The following ESPN variants were observed in gnomAD, a reference collection of about 807,000 sequenced individuals.
The protein encoded by ESPN is espin.
ESPN carries 68 observed loss-of-function variants against 77.7 expected under a neutral mutation model. The observed-to-expected ratio is 0.87, with a 90% CI of 0.72 to 1.07. ESPN has a LOEUF of 1.07. ESPN is among the 50% of genes least tolerant of loss of function. The probability of loss-of-function intolerance (pLI) is 0.00; values close to 1 mark genes in which losing one functional copy is unlikely to be tolerated. For missense variants in ESPN, 1,060 were observed against 1,239.0 expected, an observed-to-expected ratio of 0.86 and a Z score of 2.17; for synonymous variants, 449 against 567.1, an observed-to-expected ratio of 0.79 and a Z score of 2.96.
At chr1:6,445,994 A>G (rs1430793132) in intron 7 of ESPN, 59 bp downstream of exon 7, 4 of 1,574,896 alleles carry the variant, frequency 2.5e-6, no homozygotes, top group Non-Finnish European at 3.5e-6. Context: ...GATGGGGGCC[A>G]GTGAGGCCAA....
rs1569702803 is a variant in ESPN at position 6,447,698 on chromosome 1, T to C, written c.1465-943T>C. On this transcript the variant is annotated intron_variant, in intron 7 of 12. Transcript: ENST00000645284. The surrounding 1 kb of genome is among the most constrained non-coding windows in gnomAD (Gnocchi z 5.2). ...CGGGTGTCGGTGTCGCTTTCGTGGA[T>C]GGCGATGGTTTCCAGATGCAGGAGG... Among the ~76,000 whole-genome samples, 1 of 152,026 alleles carries C rather than the reference T, an allele frequency of 6.6e-6. No homozygotes were observed. The highest frequency in any genetic ancestry group is 6.5e-5 in the Admixed American group (1 of 15,272).
intron 1 of ESPN, among the ~76,000 whole-genome samples, chr1:6,426,993 C>T (rs1424415643): frequency 6.6e-6 from 1 of 152,048 alleles, no homozygotes; most frequent in African/African-American, 2.4e-5. Context: ...GAAGACCCTA[C>T]TAGTGGCCCC....
chr1:6,445,766 C>CTGGCT lies in ESPN; in HGVS notation c.1295_1296insTGGCT (p.Pro433GlyfsTer32). 1 of 1,484,458 alleles carries CTGGCT rather than the reference C, an allele frequency of 6.7e-7. No homozygotes were observed. The highest frequency in any genetic ancestry group is 9.1e-7 in the Non-Finnish European group (1 of 1,094,728). 92.0% of individuals were successfully genotyped at this position (1,484,458 alleles called of 1,614,324 possible). On this transcript the variant is annotated frameshift_variant, in exon 7 of 13. Coordinates refer to ENST00000645284, the MANE Select transcript of ESPN (RefSeq NM_031475.3). LOFTEE classifies it high-confidence loss of function. ...ACGATTGGGAAGCCCACACCCCCAC[C>CTGGCT]ACCCCCACCCAGCTTCCCCCCGCCA... is the stretch of plus-strand genomic sequence containing the variant.
chr1:6,435,084 C>G (rs1236762576), intron 2 of ESPN, among the ~76,000 whole-genome samples: 4 of 152,076 alleles, frequency 2.6e-5, no homozygotes, highest in Non-Finnish European at 5.9e-5. Context: ...GAACCTTTCT[C>G]AAATCAGGGC....
At chr1:6,455,209 T>G (rs1644029551) in intron 10 of ESPN, 1 of 389,134 alleles carries the variant, frequency 2.6e-6, no homozygotes, top group Admixed American at 4.5e-5. Context: ...CCCGAGCAGC[T>G]GGCGCGCCGG....
intron 2 of ESPN, among the ~76,000 whole-genome samples, chr1:6,436,951 G>A (rs541043301): frequency 5.9e-5 from 9 of 152,032 alleles, no homozygotes; most frequent in Non-Finnish European, 1.2e-4. Flanking sequence ...TCTGCCCCAT[G>A]TTCTGGGGTA....
chr1:6,431,667 G>C (rs902975668), intron 2 of ESPN, among the ~76,000 whole-genome samples: 121 of 138,722 alleles, frequency 8.7e-4, no homozygotes, highest in Non-Finnish European at 1.3e-3. Flanking sequence ...ACGAACGAAA[G>C]AAAGGAAGAA....
rs116350692 is a variant in ESPN at position 6,457,313 on chromosome 1, G to A, written c.2406-48G>A. 321 of 1,614,186 alleles carry A rather than the reference G, an allele frequency of 2.0e-4. 1 individual carries two copies. In the African/African-American group the frequency reaches 3.7e-3, roughly 18 times the overall value. On this transcript the variant is annotated intron_variant, in intron 11 of 12. Transcript: ENST00000645284. The stretch of plus-strand genomic sequence containing the variant: ...TGGCCTGGCAGGGTGTCTTGACTGC[G>A]TCCCTGAGGTGGAGGTACCAAGTGA...
chr1:6,453,441 G>T (rs1293525105), intron 10 of ESPN, among the ~76,000 whole-genome samples: 1 of 152,270 alleles, frequency 6.6e-6, no homozygotes, highest in South Asian at 2.1e-4. Flanking sequence ...GGGCTGGGGG[G>T]CGTGTTAGGG....
At chr1:6,426,836 G>A (rs929879245) in intron 1 of ESPN, among the ~76,000 whole-genome samples, 4 of 151,988 alleles carry the variant, frequency 2.6e-5, no homozygotes, top group Non-Finnish European at 5.9e-5. Flanking sequence ...CCAGTCTCTG[G>A]CCCCCCCACT....
rs2148498248 is a variant in ESPN at position 6,424,810 on chromosome 1, A to G, written c.-146A>G. On this transcript the variant is annotated 5_prime_UTR_variant, in exon 1 of 13. Coordinates refer to ENST00000645284, the MANE Select transcript of ESPN (RefSeq NM_031475.3). ...CGGAGCGGAGCGCCAGGCAGCGCGG[A>G]GCGGAGGCCAGGCCCACAGCCGCTC... 2.5e-6 allele frequency: 2 copies of G among 801,410 alleles called. No homozygotes were observed. Among genetic ancestry groups the G allele is most frequent in the Non-Finnish European group, 3.3e-6 (2 of 598,396 alleles). 49.6% of individuals were successfully genotyped at this position (801,410 alleles called of 1,614,324 possible).
intron 2 of ESPN, among the ~76,000 whole-genome samples, chr1:6,432,405 G>C (rs1370418347): frequency 6.6e-6 from 1 of 152,184 alleles, no homozygotes; most frequent in South Asian, 2.1e-4. Context: ...GCCTGTGTCC[G>C]CACTGAGGAG....
Position 6,448,935 on chromosome 1 carries a change from G to T in ESPN, c.1759G>T (p.Ala587Ser). ...PGNHVPNGCA[A>S]DPKASRELPP... ...GAACCATGTTCCTAACGGCTGCGCC[G>T]CGGACCCCAAGGCGTCCAGGGAGCT... Residue 587 changes from alanine (A) to serine (S), a missense_variant, in exon 8 of 13, where the codon GCG becomes TCG. This residue lies in a region of ESPN where 374 missense variants were observed against 381.4 expected (regional missense o/e 0.98). Transcript: ENST00000645284. 1 of 1,396,892 alleles carries T rather than the reference G, an allele frequency of 7.2e-7. No homozygotes were observed. Among genetic ancestry groups the T allele is most frequent in the Admixed American group, 3.1e-5 (1 of 32,212 alleles). 86.5% of individuals were successfully genotyped at this position (1,396,892 alleles called of 1,614,324 possible).
In ESPN at chr1:6,451,938, G is replaced by A. The variant is rs370514263; in HGVS notation, c.2167G>A (p.Val723Met). ...QPLLNGSLVPVPPTTPAPGVQ... is the reference protein window; with the variant it reads ...QPLLNGSLVPMPPTTPAPGVQ... ...GCTGCTCAATGGAAGCTTGGTTCCCGTGCCGCCCACTACTCCTGCGCCGGG... is the reference window on the plus strand; with the variant it reads ...GCTGCTCAATGGAAGCTTGGTTCCCATGCCGCCCACTACTCCTGCGCCGGG... Residue 723 changes from valine to methionine, a missense_variant, in exon 10 of 13, where the codon GTG (valine) becomes ATG (methionine). Physicochemically the swap from Val to Met is conservative, Grantham distance 21. This residue lies in a region of ESPN where 374 missense variants were observed against 381.4 expected (regional missense o/e 0.98). Transcript: ENST00000645284. This position sits in a 1 kb window ranked among gnomAD's most constrained non-coding sequence, Gnocchi z 4.3. 1.2e-5 allele frequency: 20 copies of A among 1,610,614 alleles called. No individual in the cohort carries two copies. Among genetic ancestry groups the A allele is most frequent in the Middle Eastern group, 1.7e-4 (1 of 5,970 alleles).
At chr1:6,453,548 T>C (rs1328612783) in intron 10 of ESPN, among the ~76,000 whole-genome samples, 2 of 152,060 alleles carry the variant, frequency 1.3e-5, no homozygotes, top group Non-Finnish European at 2.9e-5. Flanking sequence ...CAGAGCAGTC[T>C]GGAAGTGAGA....
chr1:6,460,171 C>T lies in ESPN; in HGVS notation c.*25C>T, dbSNP rs1164155416. ...GAGGCCGCAGACTCCTGTCCGCAGC[C>T]TCGCAGCTCCGTGGGGCCCTCCGCC... On this transcript the variant is annotated 3_prime_UTR_variant, in exon 13 of 13. Coordinates refer to ENST00000645284, the MANE Select transcript of ESPN (RefSeq NM_031475.3). 6.9e-6 allele frequency: 11 copies of T among 1,604,354 alleles called. No homozygotes were observed. In the Admixed American group the frequency reaches 8.4e-5, roughly 12 times the overall value.
Position 6,451,823 on chromosome 1 carries a change from C to T in ESPN, c.2062-10C>T. On this transcript the variant is annotated splice_polypyrimidine_tract_variant and intron_variant, in intron 9 of 12. Coordinates refer to ENST00000645284, the MANE Select transcript of ESPN (RefSeq NM_031475.3). This position sits in a 1 kb window ranked among gnomAD's most constrained non-coding sequence, Gnocchi z 4.3. ...CACCGGGCGCTCAGCCCCACCGCTTCTCCCTGCAGCCCGATTCGCCGCTGC... is the reference window on the plus strand; with the variant it reads ...CACCGGGCGCTCAGCCCCACCGCTTTTCCCTGCAGCCCGATTCGCCGCTGC... The T allele has an allele frequency of 6.2e-7, 1 of 1,611,076 alleles. No individual in the cohort carries two copies.
intron 6 of ESPN, among the ~76,000 whole-genome samples, chr1:6,445,116 C>T (rs76722424): frequency 0.13 from 14,671 of 117,066 alleles, 1,160 homozygotes; most frequent in African/African-American, 0.27. Context: ...CACACACATA[C>T]ACACCATGTC....
chr1:6,435,242 C>A (rs1214487064), intron 2 of ESPN, among the ~76,000 whole-genome samples: 1 of 152,016 alleles, frequency 6.6e-6, no homozygotes, highest in African/African-American at 2.4e-5. Context: ...GACTGATCCT[C>A]GGATGGAGAG....
Sources: gnomAD v4.1 joint callset for allele counts (sites outside exome capture counted in the v4.1 genomes callset) on GRCh38, gnomAD v4.1.1 for gene constraint, gnomAD v4.1.1 regional missense constraint, Gnocchi (gnomAD v3.1) non-coding constraint, MANE v1.5 for transcripts, NCBI Gene and HGNC (gene_info 2026-07-23, HGNC 2026-07-21) for gene names.